TPST1: variants seen among roughly 807,000 people sequenced by gnomAD.
TPST1 encodes protein-tyrosine sulfotransferase 1.
A neutral mutation model predicts 34.8 loss-of-function variants in TPST1; 20 were observed. The ratio of observed to expected loss-of-function variants is 0.57; its 90% confidence interval spans 0.40 to 0.84. TPST1 has a LOEUF of 0.84. TPST1 is among the 40% of genes least tolerant of loss of function. The pLI is 0.00. For synonymous variants in TPST1, 152 were observed against 159.4 expected, an observed-to-expected ratio of 0.95 and a Z score of 0.35; for missense variants, 353 against 455.5, an observed-to-expected ratio of 0.78 and a Z score of 2.05.
rs147948133 is a variant in TPST1, at chr7:66,227,311, G to A, written c.-101-13014G>A. 3.3e-4 allele frequency among the ~76,000 whole-genome samples: 50 copies of A among 152,136 alleles called. No homozygotes were observed. In the East Asian group the frequency reaches 7.2e-3, roughly 22 times the overall value. ...CTCCCAAAGTGCTGGGATTACAGGC[G>A]TGAGCCACTGCGCCCAGCCCAAAAT... On this transcript the variant is annotated intron_variant, in intron 1 of 5. Transcript: ENST00000304842.
rs185742608 is a variant in TPST1, at chr7:66,360,186, T to A, written c.*321T>A. On this transcript the variant is annotated 3_prime_UTR_variant, in exon 6 of 6. Transcript: ENST00000304842. ...CTTTTCTTACATTATGACGTTTGTTTTCAAGGAGAGGGTTTAAAAATGGGA... is the reference window on the plus strand; with the variant it reads ...CTTTTCTTACATTATGACGTTTGTTATCAAGGAGAGGGTTTAAAAATGGGA... 6.0e-4 allele frequency: 187 copies of A among 314,240 alleles called. No homozygotes were observed. The highest frequency in any genetic ancestry group is 3.5e-3 in the African/African-American group (163 of 46,380). 19.5% of individuals were successfully genotyped at this position (314,240 alleles called of 1,614,324 possible).
chr7:66,345,748 C>T (rs908270119), intron 3 of TPST1, among the ~76,000 whole-genome samples: 11 of 151,892 alleles, frequency 7.2e-5, no homozygotes, highest in South Asian at 6.2e-4. Flanking sequence ...TATTTTGATG[C>T]GGGTATACAA....
chr7:66,261,761 A>G (rs1263520671), intron 2 of TPST1, among the ~76,000 whole-genome samples: 2 of 152,188 alleles, frequency 1.3e-5, no homozygotes, highest in Non-Finnish European at 2.9e-5. Flanking sequence ...TAACCTTTGT[A>G]TGCCTCATTT....
chr7:66,356,804 A>G (rs1792591182), intron 4 of TPST1, 21 bp from the exon 5 acceptor site: 1 of 1,614,038 alleles, frequency 6.2e-7, no homozygotes, highest in Non-Finnish European at 8.5e-7. Context: ...ACATTAAAAC[A>G]TCTTTTCTTT....
intron 3 of TPST1, among the ~76,000 whole-genome samples, chr7:66,300,917 G>A (rs1235460495): frequency 6.6e-6 from 1 of 151,852 alleles, no homozygotes; most frequent in African/African-American, 2.4e-5. Context: ...CTGCACTCCA[G>A]CCTGGGTGAC....
At chr7:66,235,559 A>T (rs1251087690) in intron 1 of TPST1, among the ~76,000 whole-genome samples, 1 of 151,996 alleles carries the variant, frequency 6.6e-6, no homozygotes, top group African/African-American at 2.4e-5. Flanking sequence ...TTCTCTAGTA[A>T]TGAATTCCTT....
intron 3 of TPST1, among the ~76,000 whole-genome samples, chr7:66,309,602 G>C (rs1172351137): frequency 1.3e-5 from 2 of 152,202 alleles, no homozygotes; most frequent in African/African-American, 2.4e-5. Context: ...ACCAAGGGAA[G>C]AAAGGTGGTT....
intron 3 of TPST1, among the ~76,000 whole-genome samples, chr7:66,314,947 T>C (rs1396315869): frequency 6.6e-6 from 1 of 152,198 alleles, no homozygotes; most frequent in Non-Finnish European, 1.5e-5. Context: ...GGCTTTACAC[T>C]CTAGATGAGC....
intron 2 of TPST1, among the ~76,000 whole-genome samples, chr7:66,267,441 C>T (rs1016073005): frequency 6.6e-6 from 1 of 151,424 alleles, no homozygotes; most frequent in African/African-American, 2.4e-5. Context: ...CATTTGTAGG[C>T]CATAAAAAAA....
At position 66,225,571 on chromosome 7, in the gene TPST1, C is replaced by A. The variant is rs901890789; in HGVS notation, c.-101-14754C>A. On this transcript the variant is annotated intron_variant, in intron 1 of 5. Transcript: ENST00000304842. The stretch of plus-strand genomic sequence containing the variant: ...AGGTTGCAGTGAGCCGAGATTGTGC[C>A]ATTGCACTCCAGCCTGGGTGACAGA... Among the ~76,000 whole-genome samples, 12 of 151,020 alleles carry A rather than the reference C, an allele frequency of 7.9e-5. No individual in the cohort carries two copies. In the East Asian group the frequency reaches 2.4e-3, roughly 30 times the overall value.
chr7:66,320,266 GAGACGGA>G (rs1791725549), intron 3 of TPST1, among the ~76,000 whole-genome samples: 6 of 21,918 alleles, frequency 2.7e-4, no homozygotes, highest in African/African-American at 1.1e-3. Flanking sequence ...TTTTTTTTTT[GAGACGGA>G]GTCTTGCTCT....
chr7:66,352,386 C>A, intron 3 of TPST1, 119 bp from the exon 4 acceptor site: 1 of 1,509,446 alleles, frequency 6.6e-7, no homozygotes, highest in South Asian at 1.4e-5. Flanking sequence ...GCTTCTTTCT[C>A]ATTCTAAACT....
chr7:66,252,561 C>T lies in TPST1; in HGVS notation c.845+11291C>T, dbSNP rs1179160504. On this transcript the variant is annotated intron_variant, in intron 2 of 5. Transcript: ENST00000304842. ...TGTTAGCCAGGATGATCTCGATCTC[C>T]TGACCTTGTGATCCGCCCACCTCGG... 9.9e-5 allele frequency among the ~76,000 whole-genome samples: 15 copies of T among 151,956 alleles called. No homozygotes were observed. In the East Asian group the frequency reaches 1.4e-3, roughly 14 times the overall value.
intron 2 of TPST1, among the ~76,000 whole-genome samples, chr7:66,257,261 T>C (rs1042669466): frequency 1.3e-5 from 2 of 152,186 alleles, no homozygotes; most frequent in African/African-American, 2.4e-5. Flanking sequence ...TTGTGTACAG[T>C]TCCATTCAGT....
intron 2 of TPST1, among the ~76,000 whole-genome samples, chr7:66,275,352 T>A (rs965428166): frequency 1.3e-5 from 2 of 152,186 alleles, no homozygotes; most frequent in Non-Finnish European, 2.9e-5. Context: ...AGCTACCATA[T>A]GATCCAGCAA....
At chr7:66,235,748 G>C (rs904824525) in intron 1 of TPST1, among the ~76,000 whole-genome samples, 3 of 152,122 alleles carry the variant, frequency 2.0e-5, no homozygotes, top group Non-Finnish European at 4.4e-5. Flanking sequence ...ATACAGCTTG[G>C]TTTTATACAT....
At chr7:66,231,175 T>C (rs1789781418) in intron 1 of TPST1, among the ~76,000 whole-genome samples, 1 of 152,180 alleles carries the variant, frequency 6.6e-6, no homozygotes, top group Admixed American at 6.5e-5. Context: ...CACAGGGTGC[T>C]GATTGGTGTG....
chr7:66,252,546 G>A (rs1240541824), intron 2 of TPST1, among the ~76,000 whole-genome samples: 13 of 150,938 alleles, frequency 8.6e-5, no homozygotes, highest in African/African-American at 2.2e-4. Flanking sequence ...TGTTAGCCAG[G>A]ATGATCTCGA....
In TPST1 at chr7:66,274,591, G is replaced by C. The variant is rs535889065; in HGVS notation, c.846-11920G>C. Among the ~76,000 whole-genome samples the C allele has an allele frequency of 9.9e-5, 15 of 152,224 alleles. No individual in the cohort carries two copies. The East Asian group carries it at 2.9e-3, about 29-fold the overall frequency. On this transcript the variant is annotated intron_variant, in intron 2 of 5. Transcript: ENST00000304842. ...AACAAAAACAAAAATGGTCATATGG[G>C]ATTATGTCAAACAAAAAAGCTCTGC...
Sources: gnomAD v4.1 joint callset for allele counts (sites outside exome capture counted in the v4.1 genomes callset) on GRCh38, gnomAD v4.1.1 for gene constraint, MANE v1.5 for transcripts, NCBI Gene and HGNC (gene_info 2026-07-23, HGNC 2026-07-21) for gene names.